BIRC6: variants seen among roughly 807,000 people sequenced by gnomAD.
BIRC6 encodes the protein dual E2 ubiquitin-conjugating enzyme/E3 ubiquitin-protein ligase BIRC6.
BIRC6 carries 98 observed loss-of-function variants against 503.3 expected under a neutral mutation model. The ratio of observed to expected loss-of-function variants is 0.19; its 90% CI spans 0.17 to 0.23. The LOEUF (loss-of-function observed/expected upper bound fraction) is 0.23. Ranked by LOEUF, BIRC6 falls within the 10% of genes least tolerant of loss-of-function variation. The pLI, the probability that BIRC6 is intolerant of heterozygous loss-of-function variation, is 1.00. For synonymous variants in BIRC6, 2,240 were observed against 2,078.7 expected, an observed-to-expected ratio of 1.08 and a Z score of -2.11; for missense variants, 5,360 against 5,806.0, an observed-to-expected ratio of 0.92 and a Z score of 2.50.
intron 2 of BIRC6, 144 bp from the exon 3 acceptor site, chr2:32,380,005 TTAAG>T: frequency 2.1e-6 from 1 of 478,582 alleles, no homozygotes; most frequent in Admixed American, 3.9e-5. Flanking sequence ...TATTGTTTAA[TTAAG>T]TAGATTTGTT....
intron 20 of BIRC6, among the ~76,000 whole-genome samples, chr2:32,444,767 C>G (rs1267471386): frequency 6.6e-6 from 1 of 151,990 alleles, no homozygotes; most frequent in African/African-American, 2.4e-5. Context: ...AAAAAAAATG[C>G]TTGTTTAGAG....
At chr2:32,507,936 G>A (rs1341966956) in intron 50 of BIRC6, 44 bp from the exon 51 acceptor site, 9 of 1,570,228 alleles carry the variant, frequency 5.7e-6, no homozygotes, top group Non-Finnish European at 6.1e-6. Flanking sequence ...GTTCAATCTA[G>A]TATACTTTGT....
At chr2:32,358,158 C>T (rs1326782028) in intron 1 of BIRC6, among the ~76,000 whole-genome samples, 2 of 152,126 alleles carry the variant, frequency 1.3e-5, no homozygotes, top group African/African-American at 2.4e-5. Context: ...TAGACCTGGT[C>T]CCCTTGCTCG....
At chr2:32,502,735 GAGTTT>G (rs2053342397) in intron 47 of BIRC6, 55 bp from the exon 48 acceptor site, 1 of 1,279,058 alleles carries the variant, frequency 7.8e-7, no homozygotes, top group Non-Finnish European at 1.1e-6. Flanking sequence ...TACATGCATT[GAGTTT>G]AGTTCTTATT....
At position 32,384,870 on chromosome 2, in the gene BIRC6, A is replaced by T. The variant is rs547802485; in HGVS notation, c.646-3880A>T. Among the ~76,000 whole-genome samples, 5 of 152,312 alleles carry T rather than the reference A, an allele frequency of 3.3e-5. No individual in the cohort carries two copies. In the East Asian group the frequency reaches 7.7e-4, roughly 23 times the overall value. On this transcript the variant is annotated intron_variant, in intron 3 of 73. Transcript: ENST00000421745. The stretch of plus-strand genomic sequence containing the variant: ...ACTTCTCCCATTTCTTCTGAAATGG[A>T]TGCCTTTTGGTCTGCATTGACATAT...
Position 32,467,644 on chromosome 2 carries a change from G to A in BIRC6, c.5476G>A (p.Val1826Met). ...TGACATTTGGACATTAGGAGAAGAG[G>A]TGGATGGAAGGCGGTTGGTAGTGGC... ...SIDIWTLGEE[V>M]DGRRLVVATD... Residue 1826 changes from valine (V) to methionine (M), a missense_variant, in exon 27 of 74, where the codon GTG (valine) becomes ATG (methionine). Physicochemically the swap from Val to Met is conservative, Grantham distance 21 (BLOSUM62 1). This residue lies in a region of BIRC6 where 2,299 missense variants were observed against 2,267.2 expected (regional missense o/e 1.01). Transcript: ENST00000421745. The A allele has an allele frequency of 6.2e-7, 1 of 1,613,938 alleles. No individual in the cohort carries two copies. Among genetic ancestry groups the A allele is most frequent in the Non-Finnish European group, 8.5e-7 (1 of 1,179,876 alleles).
intron 15 of BIRC6, among the ~76,000 whole-genome samples, chr2:32,436,637 T>C (rs770771173): frequency 2.3e-4 from 35 of 152,186 alleles, no homozygotes; most frequent in Non-Finnish European, 4.0e-4. Flanking sequence ...TGGAGTGTAG[T>C]GGCGCTATCT....
chr2:32,593,936 A>G lies in BIRC6; in HGVS notation c.13377A>G (p.Lys4459=). The G allele has an allele frequency of 6.2e-7, 1 of 1,611,758 alleles. No homozygotes were observed. The highest frequency in any genetic ancestry group is 8.5e-7 in the Non-Finnish European group (1 of 1,179,332). ...TCAGATCTAAAAGGGAAAATGTTAA[A>G]ACAGGAGTAAAACCAGATGCGTCTG... The part of the protein sequence containing the change: ...NRLRSKRENV[K]TGVKPDASDQ... The change falls in exon 67 of 74, where the codon AAA becomes AAG. Residue 4459 remains lysine, a synonymous_variant. Transcript: ENST00000421745.
Position 32,595,185 on chromosome 2 carries a change from A to AT in BIRC6, c.13612+50dup, listed in dbSNP as rs568678630. 1,056 of 1,281,988 alleles carry AT rather than the reference A, an allele frequency of 8.2e-4. 1 individual carries two copies. The highest frequency in any genetic ancestry group is 2.9e-3 in the East Asian group (119 of 40,432). The allele number at this position is 1,281,988 out of a possible 1,614,324, so 79.4% of individuals were successfully genotyped here. A position where few individuals can be genotyped will look rare whatever the true frequency, so the allele number is the denominator to read the frequency against. On this transcript the variant is annotated intron_variant, in intron 68 of 73. Coordinates refer to ENST00000421745, the MANE Select transcript of BIRC6 (RefSeq NM_016252.4). ...TGATTTGCTTAAGATCTCACTTTCCATTTTTTTTTAACAGTGCTATTGAAA... is the reference window on the plus strand; with the variant it reads ...TGATTTGCTTAAGATCTCACTTTCCATTTTTTTTTTAACAGTGCTATTGAAA...
chr2:32,532,238 A>C (rs776164685), intron 61 of BIRC6: 1 of 529,422 alleles, frequency 1.9e-6, no homozygotes, highest in South Asian at 1.4e-5. Context: ...AAATACCACA[A>C]ACGGGCTGGC....
chr2:32,375,408 C>T (rs2036595407), intron 1 of BIRC6, among the ~76,000 whole-genome samples: 1 of 152,046 alleles, frequency 6.6e-6, no homozygotes, highest in African/African-American at 2.4e-5. Flanking sequence ...CTCCTGTAGT[C>T]CTAGCCACTC....
chr2:32,443,452 G>A (rs1187458037), intron 19 of BIRC6, 39 bp from the exon 20 acceptor site: 2 of 1,410,764 alleles, frequency 1.4e-6, no homozygotes, highest in Non-Finnish European at 2.0e-6. Flanking sequence ...TAGACCTTGA[G>A]TAATGTCTTT....
chr2:32,391,992 G>A, intron 4 of BIRC6, 47 bp from the exon 5 acceptor site: 1 of 1,255,504 alleles, frequency 8.0e-7, no homozygotes, highest in Non-Finnish European at 1.1e-6. Flanking sequence ...AAGTTTCACT[G>A]TGATTTGATG....
intron 45 of BIRC6, 75 bp downstream of exon 45, chr2:32,493,742 T>C (rs1261157354): frequency 5.2e-5 from 65 of 1,243,780 alleles, no homozygotes; most frequent in Non-Finnish European, 6.8e-5. Context: ...TTCTTTAACA[T>C]TTGTTGGGAA....
chr2:32,439,190 C>T (rs113686246), intron 15 of BIRC6, among the ~76,000 whole-genome samples: 24 of 149,638 alleles, frequency 1.6e-4, no homozygotes, highest in East Asian at 5.9e-4. Flanking sequence ...TGTGTGTGTG[C>T]GTGTGTATGT....
chr2:32,464,402 G>T, intron 24 of BIRC6, 107 bp from the exon 25 acceptor site: 1 of 1,281,202 alleles, frequency 7.8e-7, no homozygotes, highest in Non-Finnish European at 1.0e-6. Context: ...CTTTAAGTAT[G>T]ATCAATTTAA....
chr2:32,396,717 T>A (rs1456305100), intron 6 of BIRC6, among the ~76,000 whole-genome samples: 3 of 152,170 alleles, frequency 2.0e-5, no homozygotes, highest in Non-Finnish European at 4.4e-5. Flanking sequence ...CAATAACTAA[T>A]AAAATTGAAC....
chr2:32,369,960 A>AT (rs1228153733), intron 1 of BIRC6, among the ~76,000 whole-genome samples: 1 of 61,034 alleles, frequency 1.6e-5, no homozygotes, highest in Non-Finnish European at 3.2e-5. Flanking sequence ...ATATATATAT[A>AT]TATATATATA....
At position 32,476,248 on chromosome 2, in the gene BIRC6, G is replaced by T; in HGVS notation, c.6756G>T (p.Leu2252Phe). 1 of 1,552,090 alleles carries T rather than the reference G, an allele frequency of 6.4e-7. No homozygotes were observed. Among genetic ancestry groups the T allele is most frequent in the East Asian group, 2.4e-5 (1 of 41,214 alleles). ...LNLLKAKQKA[L>F]VEQMEKEKIQ... ...TACTAAAAGCAAAGCAGAAGGCATT[G>T]GTAGAACAGATGGAAAAAGAAAAAA... The change falls in exon 34 of 74, where the codon TTG becomes TTT. Residue 2252 changes from leucine (L) to phenylalanine (F), a missense_variant. Leu to Phe is a conservative substitution (Grantham distance 22). This residue lies in a region of BIRC6 where 2,299 missense variants were observed against 2,267.2 expected (regional missense o/e 1.01). Transcript: ENST00000421745.
Sources: allele counts gnomAD v4.1 joint callset (sites outside exome capture counted in the v4.1 genomes callset), GRCh38; gene constraint gnomAD v4.1.1; regional missense constraint gnomAD v4.1.1; transcripts MANE v1.5; gene names NCBI Gene and HGNC (gene_info 2026-07-23, HGNC 2026-07-21).